The following SLC41A2 variants were observed in gnomAD, a reference collection of about 807,000 sequenced individuals.
The protein encoded by SLC41A2 is SLC41A1-like 1.
Under a neutral mutation model 58.3 loss-of-function variants are expected in SLC41A2, and 32 were observed. That is an observed-to-expected ratio of 0.55 (90% confidence interval 0.41 to 0.74). The LOEUF (loss-of-function observed/expected upper bound fraction) is 0.74. SLC41A2 is among the 30% of genes least tolerant of loss of function. The probability of loss-of-function intolerance (pLI) is 0.00; values close to 1 mark genes in which losing one functional copy is unlikely to be tolerated. For synonymous variants in SLC41A2, 190 were observed against 235.0 expected (o/e 0.81, Z 1.75); for missense variants, 514 against 680.6 (o/e 0.76, Z 2.72).
At chr12:104,952,115 G>GA (rs993125430) in intron 1 of SLC41A2, among the ~76,000 whole-genome samples, 11 of 151,866 alleles carry the variant, frequency 7.2e-5, no homozygotes, top group African/African-American at 1.9e-4. Context: ...TTTCAACTGA[G>GA]AAAAAAAATT....
At chr12:104,930,488 T>C (rs2047010732) in intron 1 of SLC41A2, among the ~76,000 whole-genome samples, 1 of 152,130 alleles carries the variant, frequency 6.6e-6, no homozygotes, top group South Asian at 2.1e-4. Context: ...TAAAAAGTAG[T>C]GAGTATTTCA....
intron 3 of SLC41A2, among the ~76,000 whole-genome samples, chr12:104,905,692 G>A (rs2045807718): frequency 6.6e-6 from 1 of 152,268 alleles, no homozygotes; most frequent in East Asian, 1.9e-4. Context: ...GAGAAATCGA[G>A]CGCAGCGCCG....
intron 4 of SLC41A2, among the ~76,000 whole-genome samples, chr12:104,891,566 C>T (rs919891784): frequency 3.4e-5 from 5 of 148,090 alleles, no homozygotes; most frequent in Non-Finnish European, 7.5e-5. Context: ...TGATTATTAC[C>T]CCTGCATAGA....
At chr12:104,956,082 T>A (rs549786826) in intron 1 of SLC41A2, among the ~76,000 whole-genome samples, 1 of 152,312 alleles carries the variant, frequency 6.6e-6, no homozygotes, top group East Asian at 1.9e-4. Flanking sequence ...ATTTTCAAAT[T>A]GAGCATAGAA....
chr12:104,879,490 A>G (rs1045951160), intron 6 of SLC41A2, among the ~76,000 whole-genome samples: 1 of 152,156 alleles, frequency 6.6e-6, no homozygotes, highest in African/African-American at 2.4e-5. Flanking sequence ...TAAGGAAGGG[A>G]TCCAGTTTCA....
chr12:104,822,944 A>T (rs1369412426), intron 10 of SLC41A2, among the ~76,000 whole-genome samples: 1 of 152,184 alleles, frequency 6.6e-6, no homozygotes, highest in Non-Finnish European at 1.5e-5. Context: ...ATAACTGAGA[A>T]ATTTGAAAAC....
chr12:104,831,060 C>CTTTCT (rs993940889), intron 10 of SLC41A2, among the ~76,000 whole-genome samples: 5 of 152,042 alleles, frequency 3.3e-5, no homozygotes, highest in African/African-American at 1.2e-4. Context: ...TGAAGCTTTA[C>CTTTCT]TTTCTTTTCT....
At chr12:104,875,840 C>G (rs1413391261) in intron 6 of SLC41A2, among the ~76,000 whole-genome samples, 1 of 152,016 alleles carries the variant, frequency 6.6e-6, no homozygotes, top group Non-Finnish European at 1.5e-5. Context: ...GAAGTATTTC[C>G]TCTAGTTCTA....
At chr12:104,935,873 T>C (rs564134405) in intron 1 of SLC41A2, among the ~76,000 whole-genome samples, 19 of 152,058 alleles carry the variant, frequency 1.2e-4, no homozygotes, top group Non-Finnish European at 2.4e-4. Flanking sequence ...CGAAACCCTG[T>C]CTCTAGTAAA....
chr12:104,866,342 C>T, intron 7 of SLC41A2, 90 bp downstream of exon 7: 1 of 1,378,480 alleles, frequency 7.3e-7, no homozygotes, highest in Admixed American at 2.7e-5. Context: ...TATGCATGTA[C>T]ATATATGCTT....
At chr12:104,826,686 T>C (rs2041857610) in intron 10 of SLC41A2, among the ~76,000 whole-genome samples, 2 of 152,168 alleles carry the variant, frequency 1.3e-5, no homozygotes, top group South Asian at 4.1e-4. Context: ...AAGGTCCAGG[T>C]CCCCTTCTCC....
chr12:104,930,627 T>A (rs941515725), intron 1 of SLC41A2, among the ~76,000 whole-genome samples: 1 of 152,192 alleles, frequency 6.6e-6, no homozygotes, highest in South Asian at 2.1e-4. Flanking sequence ...ATTACCAGGA[T>A]GATCAAAATG....
intron 6 of SLC41A2, among the ~76,000 whole-genome samples, chr12:104,885,043 T>A (rs1196903059): frequency 2.0e-5 from 3 of 152,196 alleles, no homozygotes; most frequent in African/African-American, 7.2e-5. Flanking sequence ...TGTGCTTTTT[T>A]TTTTGAGTGG....
chr12:104,827,695 G>A (rs2041895464), intron 10 of SLC41A2, among the ~76,000 whole-genome samples: 1 of 151,996 alleles, frequency 6.6e-6, no homozygotes, highest in Admixed American at 6.6e-5. Flanking sequence ...TCAGGCAACC[G>A]AAGCCTTGGA....
In SLC41A2 at chr12:104,805,187, G is replaced by A; in HGVS notation, c.1687C>T (p.Leu563Phe). The change falls in exon 11 of 11, where the codon CTT becomes TTT. Residue 563 changes from leucine (L) to phenylalanine (F), a missense_variant. Physicochemically the swap from Leu to Phe is conservative, Grantham distance 22. Transcript: ENST00000258538. ...ACATCTCCATCTCGATCTCCAATAAGCCAAAGAAAATGAAAACTTAAGGCT... is the reference window on the plus strand; with the variant it reads ...ACATCTCCATCTCGATCTCCAATAAACCAAAGAAAATGAAAACTTAAGGCT... ...LLALSFHFLWLIGDRDGDVGD is the reference protein window; with the variant it reads ...LLALSFHFLWFIGDRDGDVGD 1 of 1,612,794 alleles carries A rather than the reference G, an allele frequency of 6.2e-7. No individual in the cohort carries two copies. Among genetic ancestry groups the A allele is most frequent in the Non-Finnish European group, 8.5e-7 (1 of 1,179,302 alleles).
intron 7 of SLC41A2, among the ~76,000 whole-genome samples, chr12:104,864,233 T>G (rs961594027): frequency 1.3e-5 from 2 of 152,198 alleles, no homozygotes; most frequent in Non-Finnish European, 2.9e-5. Flanking sequence ...TTTCTTAATT[T>G]GTTTCCTAAT....
At chr12:104,858,238 A>G (rs1458900480) in intron 8 of SLC41A2, among the ~76,000 whole-genome samples, 1 of 152,210 alleles carries the variant, frequency 6.6e-6, no homozygotes, top group Non-Finnish European at 1.5e-5. Context: ...CACAATATGA[A>G]CACAGATATG....
At chr12:104,886,006 T>C (rs893901350) in intron 6 of SLC41A2, among the ~76,000 whole-genome samples, 2 of 152,124 alleles carry the variant, frequency 1.3e-5, no homozygotes, top group African/African-American at 4.8e-5. Flanking sequence ...TTTTTACTAG[T>C]AGTTATATAA....
rs1396758496 is a variant in SLC41A2, at chr12:104,886,380, C to T, written c.940G>A (p.Val314Ile). ...AAACTAGCAGCAATGGGTGTAGCAA[C>T]ATTATCAGGATTTATACCAGTCTTC... ...SKKTGINPDN[V>I]ATPIAASFGD... The change falls in exon 6 of 11, where the codon GTT becomes ATT. Residue 314 changes from valine to isoleucine, a missense_variant. Physicochemically the swap from Val to Ile is conservative, Grantham distance 29. Transcript: ENST00000258538. 7 of 1,613,500 alleles carry T rather than the reference C, an allele frequency of 4.3e-6. No individual in the cohort carries two copies. In the African/African-American group the frequency reaches 5.3e-5, roughly 12 times the overall value.
Sources: allele counts gnomAD v4.1 joint callset (sites outside exome capture counted in the v4.1 genomes callset), GRCh38; gene constraint gnomAD v4.1.1; transcripts MANE v1.5; gene names NCBI Gene and HGNC (gene_info 2026-07-23, HGNC 2026-07-21).